CTNND1: variants seen among roughly 807,000 people sequenced by gnomAD.
CTNND1 encodes catenin delta-1.
CTNND1 carries 16 observed loss-of-function variants against 112.1 expected under a neutral mutation model. The observed-to-expected ratio is 0.14, with a 90% CI of 0.10 to 0.22. CTNND1 has a LOEUF of 0.22. Among genes scored for constraint, CTNND1 ranks in the 10% least tolerant of loss-of-function variants. The pLI is 1.00. For missense variants in CTNND1, 1,008 were observed against 1,257.0 expected (o/e 0.80, Z 3.00); for synonymous variants, 420 against 446.5 (o/e 0.94, Z 0.75).
At chr11:57,789,832 A>G (rs774856506) in intron 2 of CTNND1, among the ~76,000 whole-genome samples, 1 of 152,212 alleles carries the variant, frequency 6.6e-6, no homozygotes, top group Non-Finnish European at 1.5e-5. Flanking sequence ...GGGAACTTCC[A>G]GCCATTGACG....
chr11:57,787,554 G>T (rs2060264804), intron 1 of CTNND1, among the ~76,000 whole-genome samples: 2 of 152,210 alleles, frequency 1.3e-5, no homozygotes, highest in South Asian at 4.1e-4. Flanking sequence ...CTGGGAAGCA[G>T]CAATTTTTTT....
At position 57,763,234 on chromosome 11, in the gene CTNND1, A is replaced by G. The variant is rs558369622; in HGVS notation, c.-214+1115A>G. ...CGGATTCTAGATAATTATATAGCCAACTCATCAGTAGCTGAAAAACTAGGG... is the reference window on the plus strand; with the variant it reads ...CGGATTCTAGATAATTATATAGCCAGCTCATCAGTAGCTGAAAAACTAGGG... On this transcript the variant is annotated intron_variant, in intron 1 of 20. Transcript: ENST00000399050. 2.0e-4 allele frequency among the ~76,000 whole-genome samples: 30 copies of G among 152,242 alleles called. 2 individuals carry two copies. In the South Asian group the frequency reaches 5.8e-3, roughly 30 times the overall value.
At chr11:57,781,918 A>G (rs1173551744) in intron 1 of CTNND1, among the ~76,000 whole-genome samples, 1 of 152,086 alleles carries the variant, frequency 6.6e-6, no homozygotes, top group Non-Finnish European at 1.5e-5. Context: ...GCACTAAGCC[A>G]TTTTAGTATG....
At chr11:57,780,952 T>A (rs2059509857) in intron 1 of CTNND1, among the ~76,000 whole-genome samples, 2 of 152,186 alleles carry the variant, frequency 1.3e-5, no homozygotes, top group Non-Finnish European at 2.9e-5. Context: ...TTTCTTTCTT[T>A]TTCAAGATGG....
At chr11:57,785,342 C>T (rs1565308822) in intron 1 of CTNND1, among the ~76,000 whole-genome samples, 1 of 152,064 alleles carries the variant, frequency 6.6e-6, no homozygotes, top group Non-Finnish European at 1.5e-5. Context: ...CTCCATTTTA[C>T]AAAAAAGGAA....
intron 1 of CTNND1, among the ~76,000 whole-genome samples, chr11:57,764,550 C>G (rs1347984588): frequency 6.6e-6 from 1 of 152,054 alleles, no homozygotes; most frequent in Non-Finnish European, 1.5e-5. Context: ...TAGTAACTGC[C>G]AAGGCCCTCA....
At chr11:57,768,145 T>TA (rs113418884) in intron 1 of CTNND1, among the ~76,000 whole-genome samples, 42,939 of 151,674 alleles carry the variant, frequency 0.28, 7,106 homozygotes, top group East Asian at 0.79. Flanking sequence ...GAAGGTCTCT[T>TA]AAAACCTGAG....
chr11:57,802,049 C>A lies in CTNND1; in HGVS notation c.1273C>A (p.His425Asn), dbSNP rs770867646. Residue 425 changes from histidine (H) to asparagine (N), a missense_variant, in exon 7 of 21, where the codon CAC becomes AAC. Physicochemically the swap from His to Asn is moderately conservative, Grantham distance 68. Around this residue, in one of 5 missense-constraint regions of CTNND1, gnomAD observed 216 missense variants for 342.8 expected, o/e 0.63. Coordinates refer to ENST00000399050, the MANE Select transcript of CTNND1 (RefSeq NM_001085458.2). Reference sequence around the variant, plus strand: ...GTTAGACCATCCCAAAAAGGAAGTGCACCTTGGAGCCTGTGGAGCTCTCAA... The same window carrying A: ...GTTAGACCATCCCAAAAAGGAAGTGAACCTTGGAGCCTGTGGAGCTCTCAA... ...GLLDHPKKEV[H>N]LGACGALKNI... 3.7e-6 allele frequency: 6 copies of A among 1,614,048 alleles called. No individual in the cohort carries two copies. In the East Asian group the frequency reaches 1.3e-4, roughly 36 times the overall value.
chr11:57,786,584 G>A (rs1051541819), intron 1 of CTNND1, among the ~76,000 whole-genome samples: 1 of 152,092 alleles, frequency 6.6e-6, no homozygotes, highest in African/African-American at 2.4e-5. Context: ...AAGGCATTGG[G>A]CTGGACTTGT....
chr11:57,781,768 C>T (rs1273974841), intron 1 of CTNND1: 2 of 152,596 alleles, frequency 1.3e-5, no homozygotes, highest in Non-Finnish European at 2.9e-5. Flanking sequence ...CCTGAGAGAT[C>T]AGGACTTGTT....
At chr11:57,794,654 A>G (rs1411577076) in intron 4 of CTNND1, among the ~76,000 whole-genome samples, 1 of 151,592 alleles carries the variant, frequency 6.6e-6, no homozygotes, top group East Asian at 1.9e-4. Flanking sequence ...GCGTGGTGGC[A>G]CATGCCTGTA....
intron 4 of CTNND1, among the ~76,000 whole-genome samples, chr11:57,794,309 C>G (rs191558740): frequency 6.6e-6 from 1 of 152,312 alleles, no homozygotes; most frequent in Admixed American, 6.5e-5. Context: ...CTCCTCCCCA[C>G]TGCCACCCCA....
Position 57,794,155 on chromosome 11 carries a change from G to A in CTNND1, c.267+74G>A. On this transcript the variant is annotated intron_variant, in intron 4 of 20. Coordinates refer to ENST00000399050, the MANE Select transcript of CTNND1 (RefSeq NM_001085458.2). The stretch of plus-strand genomic sequence containing the variant: ...TTCCCCAGCCTATAAGAGCATATTT[G>A]TGTCTTGTAAGGTGCCTGGCACATT... The A allele has an allele frequency of 4.4e-6, 6 of 1,379,168 alleles. No individual in the cohort carries two copies. The South Asian group carries it at 7.0e-5, about 16-fold the overall frequency. 85.4% of individuals were successfully genotyped at this position (1,379,168 alleles called of 1,614,324 possible). A position where few individuals can be genotyped will look rare whatever the true frequency, so the allele number is the denominator to read the frequency against.
chr11:57,804,452 A>G (rs898586705), intron 8 of CTNND1, among the ~76,000 whole-genome samples: 1 of 152,208 alleles, frequency 6.6e-6, no homozygotes, highest in African/African-American at 2.4e-5. Flanking sequence ...CATCTGGTAC[A>G]TATCATTAAT....
chr11:57,785,185 C>T (rs1448313805), intron 1 of CTNND1, among the ~76,000 whole-genome samples: 3 of 152,134 alleles, frequency 2.0e-5, no homozygotes, highest in Non-Finnish European at 4.4e-5. Flanking sequence ...GGTTTACAAA[C>T]TTCAAAAACT....
intron 1 of CTNND1, among the ~76,000 whole-genome samples, chr11:57,785,216 C>G (rs925256917): frequency 6.6e-6 from 1 of 152,174 alleles, no homozygotes; most frequent in Non-Finnish European, 1.5e-5. Flanking sequence ...CACCCAAGCT[C>G]TAGTCCCTGT....
In CTNND1 at chr11:57,818,437, T is replaced by A. The variant is rs1248733366; in HGVS notation, c.*2129T>A. The stretch of plus-strand genomic sequence containing the variant: ...GAGTTTTTTATATAAATAAAGTTTT[T>A]AAAGTGTGTATGTGGGGGGTCTGTG... On this transcript the variant is annotated 3_prime_UTR_variant, in exon 21 of 21. Coordinates refer to ENST00000399050, the MANE Select transcript of CTNND1 (RefSeq NM_001085458.2). 1 of 152,606 alleles carries A rather than the reference T, an allele frequency of 6.6e-6. No homozygotes were observed. Among genetic ancestry groups the A allele is most frequent in the Non-Finnish European group, 1.5e-5 (1 of 68,046 alleles). 9.5% of individuals were successfully genotyped at this position (152,606 alleles called of 1,614,324 possible).
chr11:57,795,453 G>C, intron 4 of CTNND1, 124 bp from the exon 5 acceptor site: 1 of 992,038 alleles, frequency 1.0e-6, no homozygotes, highest in Non-Finnish European at 1.5e-6. Context: ...TAAAAATCCT[G>C]AGGCCTATAG....
At chr11:57,798,069 T>C (rs1394530558) in intron 6 of CTNND1, among the ~76,000 whole-genome samples, 2 of 151,590 alleles carry the variant, frequency 1.3e-5, no homozygotes, top group Non-Finnish European at 2.9e-5. Flanking sequence ...ACAGAGTCCA[T>C]TGGGCACGGT....
Sources: gnomAD v4.1 joint callset for allele counts (sites outside exome capture counted in the v4.1 genomes callset) on GRCh38, gnomAD v4.1.1 for gene constraint, gnomAD v4.1.1 regional missense constraint, MANE v1.5 for transcripts, NCBI Gene and HGNC (gene_info 2026-07-23, HGNC 2026-07-21) for gene names.